Variants in TXNRD3 observed in about 807,000 individuals in gnomAD.
TXNRD3 encodes the protein TXNRD3 neighbor gene protein.
TXNRD3 carries 68 observed loss-of-function variants against 78.2 expected under a neutral mutation model. That is an observed-to-expected ratio of 0.87 (90% CI 0.72 to 1.06). The LOEUF (loss-of-function observed/expected upper bound fraction) is 1.06. TXNRD3 is among the 50% of genes least tolerant of loss of function. TXNRD3 has a pLI of 0.00. For synonymous variants in TXNRD3, 296 were observed against 300.1 expected (o/e 0.99, Z 0.14); for missense variants, 751 against 809.5 (o/e 0.93, Z 0.88).
In TXNRD3 at chr3:126,611,134, T is replaced by C. The variant is rs780130767; in HGVS notation, c.1633-2A>G. ...AGGCCAGAACAAAGTATGATATATCTGGAAGATAAAAGAGAGAAAAAGGGC... is the reference window on the plus strand; with the variant it reads ...AGGCCAGAACAAAGTATGATATATCCGGAAGATAAAAGAGAGAAAAAGGGC... On this transcript the variant is annotated splice_acceptor_variant, in intron 13 of 15. Transcript: ENST00000524230. LOFTEE classifies it high-confidence loss of function. 8 of 1,508,396 alleles carry C rather than the reference T, an allele frequency of 5.3e-6. No homozygotes were observed. In the South Asian group the frequency reaches 7.6e-5, roughly 14 times the overall value. The allele number at this position is 1,508,396 out of a possible 1,614,324, so 93.4% of individuals were successfully genotyped here.
At chr3:126,634,334 T>G (rs538887828) in intron 6 of TXNRD3, among the ~76,000 whole-genome samples, 27 of 152,262 alleles carry the variant, frequency 1.8e-4, no homozygotes, top group South Asian at 1.5e-3. Context: ...TGCCACGACG[T>G]AAGGCAGGAG....
intron 2 of TXNRD3, among the ~76,000 whole-genome samples, chr3:126,646,490 A>G (rs530991956): frequency 6.6e-6 from 1 of 152,374 alleles, no homozygotes; most frequent in Non-Finnish European, 1.5e-5. Context: ...GCCAAGACAG[A>G]TAAGAGCCCT....
At chr3:126,622,603 ACTATAGATCCTTCAGACATTAAAAG>A (rs1316147228) in intron 10 of TXNRD3, 63 bp from the exon 11 acceptor site, 9 of 1,203,474 alleles carry the variant, frequency 7.5e-6, no homozygotes, top group African/African-American at 1.5e-5. Context: ...AAGGAACATC[ACTATAGATCCTTCAGACATTAAAAG>A]GGTAATAATG....
Position 126,642,089 on chromosome 3 carries a change from G to T in TXNRD3, c.655C>A (p.Leu219Ile). ...GAGTCACATAATGCCTGCCCCAAAA[G>T]GGCAGCCTGATGCATCAATTTCTTA... The change falls in exon 6 of 16, where the codon CTT becomes ATT. Residue 219 changes from leucine to isoleucine, a missense_variant. Transcript: ENST00000524230. 6.5e-7 allele frequency: 1 copy of T among 1,535,784 alleles called. No homozygotes were observed. The highest frequency in any genetic ancestry group is 1.2e-5 in the South Asian group (1 of 83,942).
At chr3:126,624,424 CTTT>C (rs34255927) in intron 10 of TXNRD3, among the ~76,000 whole-genome samples, 1 of 142,066 alleles carries the variant, frequency 7.0e-6, no homozygotes. Context: ...AATGGTCTTT[CTTT>C]TTTTTTTTTT....
intron 5 of TXNRD3, among the ~76,000 whole-genome samples, chr3:126,643,204 C>T (rs1576295360): frequency 6.6e-6 from 1 of 152,188 alleles, no homozygotes; most frequent in African/African-American, 2.4e-5. Flanking sequence ...CAAGCTGCCC[C>T]AGAAGCCAGA....
intron 6 of TXNRD3, among the ~76,000 whole-genome samples, chr3:126,635,254 T>C (rs1305469954): frequency 6.6e-6 from 1 of 152,216 alleles, no homozygotes; most frequent in Non-Finnish European, 1.5e-5. Flanking sequence ...CTTGTTCTTG[T>C]TGCAAAAGGC....
Position 126,621,862 on chromosome 3 carries a change from G to C in TXNRD3, c.1404C>G (p.Thr468=). ...CAACAGCATAGACATATGGCACATT[G>C]GTCTGTTCCACATCATTTACAGGTA... The change falls in exon 12 of 16, where the codon ACC becomes ACG. Residue 468 remains threonine, a synonymous_variant. Coordinates refer to ENST00000524230, the MANE Select transcript of TXNRD3 (RefSeq NM_052883.3). 1 of 1,529,550 alleles carries C rather than the reference G, an allele frequency of 6.5e-7. No individual in the cohort carries two copies. Among genetic ancestry groups the C allele is most frequent in the Non-Finnish European group, 8.7e-7 (1 of 1,145,210 alleles). The allele number at this position is 1,529,550 out of a possible 1,614,324, so 94.7% of individuals were successfully genotyped here.
chr3:126,621,281 G>A (rs1020749886), intron 12 of TXNRD3, among the ~76,000 whole-genome samples: 2 of 152,234 alleles, frequency 1.3e-5, no homozygotes, highest in Non-Finnish European at 2.9e-5. Flanking sequence ...ATGTTTACAG[G>A]CCAAGTGGGC....
chr3:126,614,277 T>C (rs1938264288), intron 13 of TXNRD3, among the ~76,000 whole-genome samples: 1 of 152,222 alleles, frequency 6.6e-6, no homozygotes, highest in East Asian at 1.9e-4. Flanking sequence ...TGAGTTGATC[T>C]GCAGCAAACC....
intron 10 of TXNRD3, chr3:126,624,653 C>A (rs954393104): frequency 2.6e-5 from 4 of 152,216 alleles, no homozygotes; most frequent in African/African-American, 9.7e-5. Context: ...GATCTCCTGA[C>A]CTTGTGACCT....
At chr3:126,625,012 G>GTGATGT (rs1160460392) in intron 10 of TXNRD3, 2 of 171,360 alleles carry the variant, frequency 1.2e-5, no homozygotes, top group African/African-American at 4.8e-5. Context: ...ATGGTTCAAC[G>GTGATGT]TGATGTGTGC....
chr3:126,644,000 T>C lies in TXNRD3; in HGVS notation c.573A>G (p.Ser191=). The C allele has an allele frequency of 6.5e-7, 1 of 1,536,020 alleles. No homozygotes were observed. Among genetic ancestry groups the C allele is most frequent in the Non-Finnish European group, 8.7e-7 (1 of 1,146,886 alleles). Reference sequence around the variant, plus strand: ...ACTTACCCCAGGATGTGCCCTGAGGTGACGGGACAACAAAGTCTAGCACCA... The same window carrying C: ...ACTTACCCCAGGATGTGCCCTGAGGCGACGGGACAACAAAGTCTAGCACCA... Residue 191 remains serine, a synonymous_variant, in exon 5 of 16, where the codon TCA becomes TCG. Transcript: ENST00000524230.
intron 10 of TXNRD3, among the ~76,000 whole-genome samples, chr3:126,624,581 CG>C (rs1938534076): frequency 6.6e-6 from 1 of 151,796 alleles, no homozygotes; most frequent in Non-Finnish European, 1.5e-5. Context: ...CCACCATGAC[CG>C]GCTAATTTTT....
At position 126,631,891 on chromosome 3, in the gene TXNRD3, A is replaced by G; in HGVS notation, c.856-12T>C. Reference sequence around the variant, plus strand: ...TTTTTATTGGTTGCCTTGAAAAAAGAGAAGTAAACCTCACTTAGCAAACAC... The same window carrying G: ...TTTTTATTGGTTGCCTTGAAAAAAGGGAAGTAAACCTCACTTAGCAAACAC... On this transcript the variant is annotated splice_polypyrimidine_tract_variant and intron_variant, in intron 7 of 15. Transcript: ENST00000524230. 1.3e-6 allele frequency: 2 copies of G among 1,517,446 alleles called. No homozygotes were observed. Among genetic ancestry groups the G allele is most frequent in the South Asian group, 2.4e-5 (2 of 83,678 alleles). The allele number at this position is 1,517,446 out of a possible 1,614,324, so 94.0% of individuals were successfully genotyped here.
At chr3:126,646,398 A>G (rs1189224450) in intron 2 of TXNRD3, among the ~76,000 whole-genome samples, 178 bp from the exon 3 acceptor site, 1 of 152,220 alleles carries the variant, frequency 6.6e-6, no homozygotes, top group African/African-American at 2.4e-5. Context: ...TTTCAAAGAA[A>G]ATCTTAAAAA....
Position 126,615,418 on chromosome 3 carries a change from C to T in TXNRD3, c.1569G>A (p.Glu523=). The T allele has an allele frequency of 6.6e-7, 1 of 1,521,370 alleles. No individual in the cohort carries two copies. The highest frequency in any genetic ancestry group is 8.8e-7 in the Non-Finnish European group (1 of 1,140,334). The allele number at this position is 1,521,370 out of a possible 1,614,324, so 94.2% of individuals were successfully genotyped here. Residue 523 remains glutamate, a synonymous_variant, in exon 13 of 16, where the codon GAG becomes GAA. Transcript: ENST00000524230. ...CTTCAGATAATCCACAGCAACCATA[C>T]TCCAGAGGAGTAAACACTGTAGTCG...
chr3:126,641,938 C>T (rs1933098418), intron 6 of TXNRD3, 94 bp downstream of exon 6: 20 of 1,352,726 alleles, frequency 1.5e-5, no homozygotes, highest in Middle Eastern at 3.8e-4. Flanking sequence ...AAATGAATTA[C>T]GAACTCAACT....
chr3:126,632,398 A>T (rs1003099136), intron 7 of TXNRD3, among the ~76,000 whole-genome samples: 2 of 152,112 alleles, frequency 1.3e-5, no homozygotes, highest in Non-Finnish European at 2.9e-5. Context: ...TTTTCATTTT[A>T]AAAAAATTCA....
Sources: gnomAD v4.1 joint callset for allele counts (sites outside exome capture counted in the v4.1 genomes callset) on GRCh38, gnomAD v4.1.1 for gene constraint, MANE v1.5 for transcripts, NCBI Gene and HGNC (gene_info 2026-07-23, HGNC 2026-07-21) for gene names.